Variants in CFAP20DC observed in about 807,000 individuals in gnomAD.
CFAP20DC encodes the protein protein CFAP20DC.
A neutral mutation model predicts 101.7 loss-of-function variants in CFAP20DC; 84 were observed. That is an observed-to-expected ratio of 0.83 (90% CI 0.69 to 0.99). The LOEUF (loss-of-function observed/expected upper bound fraction) is 0.99. Among genes scored for constraint, CFAP20DC ranks in the 50% least tolerant of loss-of-function variants. CFAP20DC has a pLI of 0.00. For synonymous variants in CFAP20DC, 359 were observed against 351.2 expected, an observed-to-expected ratio of 1.02 and a Z score of -0.25; for missense variants, 1,007 against 970.3, an observed-to-expected ratio of 1.04 and a Z score of -0.50.
intron 4 of CFAP20DC, among the ~76,000 whole-genome samples, chr3:58,979,929 G>A (rs921741384): frequency 6.6e-6 from 1 of 151,754 alleles, no homozygotes; most frequent in East Asian, 1.9e-4. Flanking sequence ...TTAAGTTCCA[G>A]TGTCAAATGA....
chr3:58,878,897 A>G (rs969322373), intron 7 of CFAP20DC, among the ~76,000 whole-genome samples: 5 of 151,938 alleles, frequency 3.3e-5, no homozygotes, highest in Non-Finnish European at 1.5e-5. Context: ...AGTCCCAGCT[A>G]CTCAGGAGGC....
chr3:58,866,454 C>T, intron 11 of CFAP20DC, 112 bp downstream of exon 11: 1 of 820,370 alleles, frequency 1.2e-6, no homozygotes, highest in Non-Finnish European at 1.9e-6. Flanking sequence ...CAAACTTACA[C>T]ATTTTAGCAA....
chr3:58,769,600 C>T (rs1218537036), intron 15 of CFAP20DC, among the ~76,000 whole-genome samples: 1 of 152,126 alleles, frequency 6.6e-6, no homozygotes, highest in Non-Finnish European at 1.5e-5. Flanking sequence ...GTCAGGAGAG[C>T]ATGCTCTGAG....
rs149857277 is a variant in CFAP20DC at position 58,732,535 on chromosome 3, C to T, written c.198-14907G>A. 8.7e-4 allele frequency among the ~76,000 whole-genome samples: 132 copies of T among 152,198 alleles called. No individual in the cohort carries two copies. Among genetic ancestry groups the T allele is most frequent in the African/African-American group, 2.9e-3 (120 of 41,510 alleles). ...AAAGCATTATAATAAATTTATAGTG[C>T]ACACTATTTTAGAGGCTGACATGTA... On this transcript the variant is annotated intron_variant, in intron 3 of 3. Coordinates refer to the CFAP20DC transcript ENST00000486145. This position sits in a 1 kb window ranked among gnomAD's most constrained non-coding sequence, Gnocchi z 5.4.
At chr3:58,771,867 G>T (rs552308049) in intron 15 of CFAP20DC, among the ~76,000 whole-genome samples, 3 of 152,054 alleles carry the variant, frequency 2.0e-5, no homozygotes, top group Non-Finnish European at 2.9e-5. Flanking sequence ...ATCTCTCATC[G>T]TTATAATGGT....
At chr3:58,726,222 T>C (rs1473344833) in intron 3 of CFAP20DC, 2 of 152,256 alleles carry the variant, frequency 1.3e-5, no homozygotes, top group Non-Finnish European at 1.5e-5. Context: ...GAAAGAACTA[T>C]ATAGGGTAAA....
rs57196071 is a variant in CFAP20DC, at chr3:59,044,987, GACAC to G, written c.205+1238_205+1241del. On this transcript the variant is annotated intron_variant, in intron 3 of 16. Transcript: ENST00000482387. The stretch of plus-strand genomic sequence containing the variant: ...GAAATGCAAAAAACCTCCTATTACA[GACAC>G]ACACACACACACACACACACACACA... 2.8e-3 allele frequency among the ~76,000 whole-genome samples: 393 copies of G among 139,874 alleles called. 1 individual carries two copies. The highest frequency in any genetic ancestry group is 8.5e-3 in the East Asian group (42 of 4,924). The allele number at this position is 139,874 out of a possible 152,430, so 91.8% of individuals were successfully genotyped here.
At chr3:58,744,301 ACT>A (rs1238660322) in intron 16 of CFAP20DC, among the ~76,000 whole-genome samples, 8 of 152,174 alleles carry the variant, frequency 5.3e-5, no homozygotes, top group Admixed American at 2.0e-4. Flanking sequence ...AGCTGGGGAC[ACT>A]CTCAGTTTCC....
intron 14 of CFAP20DC, among the ~76,000 whole-genome samples, chr3:58,830,152 C>A (rs1048331446): frequency 6.6e-6 from 1 of 152,122 alleles, no homozygotes; most frequent in African/African-American, 2.4e-5. Context: ...AATGAAAGCA[C>A]AACTGAGGCA....
chr3:58,761,018 A>C (rs886678627), intron 15 of CFAP20DC, among the ~76,000 whole-genome samples: 10 of 152,150 alleles, frequency 6.6e-5, no homozygotes, highest in East Asian at 1.9e-4. Context: ...TGTCTCTGCC[A>C]GGCTTTGGTA....
chr3:58,971,315 T>C lies in CFAP20DC; in HGVS notation c.279-33553A>G, dbSNP rs560935455. ...ATAAGATATTTCCAATTATTTATAG[T>C]CTTGAAAACTTTTTTTTAAAGTTTA... On this transcript the variant is annotated intron_variant, in intron 4 of 16. Transcript: ENST00000482387. The surrounding 1 kb of genome is among the most constrained non-coding windows in gnomAD (Gnocchi z 4.1). Among the ~76,000 whole-genome samples the C allele has an allele frequency of 4.6e-5, 7 of 152,312 alleles. No individual in the cohort carries two copies. The South Asian group carries it at 6.2e-4, about 14-fold the overall frequency.
At position 58,884,436 on chromosome 3, in the gene CFAP20DC, T is replaced by C. The variant is rs528524591; in HGVS notation, c.715+109A>G. The C allele has an allele frequency of 7.1e-6, 7 of 990,042 alleles. No homozygotes were observed. The South Asian group carries it at 1.1e-4, about 15-fold the overall frequency. 61.3% of individuals were successfully genotyped at this position (990,042 alleles called of 1,614,324 possible). A position where few individuals can be genotyped will look rare whatever the true frequency, so the allele number is the denominator to read the frequency against. ...TATGTGGCAAGTATACTCTGTTAAG[T>C]GCGAAGGATATAGAAGAATGAGGTA... is the stretch of plus-strand genomic sequence containing the variant. On this transcript the variant is annotated intron_variant, in intron 7 of 16. Transcript: ENST00000482387.
At chr3:58,908,694 C>A (rs564168214) in intron 6 of CFAP20DC, among the ~76,000 whole-genome samples, 3 of 152,176 alleles carry the variant, frequency 2.0e-5, no homozygotes, top group Non-Finnish European at 4.4e-5. Context: ...AAAAACCCCA[C>A]ACAAAAATGT....
At chr3:58,846,567 A>G (rs1209181105) in intron 13 of CFAP20DC, among the ~76,000 whole-genome samples, 1 of 149,710 alleles carries the variant, frequency 6.7e-6, no homozygotes, top group African/African-American at 2.4e-5. Context: ...AAGAATCAAT[A>G]TCGTGAAAAT....
At chr3:58,866,146 A>C (rs1274808148) in intron 11 of CFAP20DC, among the ~76,000 whole-genome samples, 2 of 152,306 alleles carry the variant, frequency 1.3e-5, no homozygotes, top group African/African-American at 2.4e-5. Flanking sequence ...ATTTTCATTT[A>C]TTTTCTTTTT....
chr3:59,043,262 G>C (rs1328644120), intron 3 of CFAP20DC, among the ~76,000 whole-genome samples: 2 of 152,070 alleles, frequency 1.3e-5, no homozygotes, highest in Non-Finnish European at 2.9e-5. Context: ...TTGGGGAAAA[G>C]AGGAAGAACC....
intron 4 of CFAP20DC, among the ~76,000 whole-genome samples, chr3:59,023,550 G>A (rs563429786): frequency 6.6e-6 from 1 of 152,130 alleles, no homozygotes; most frequent in Non-Finnish European, 1.5e-5. Context: ...GGTGGCTATG[G>A]CAAGGAGGAG....
intron 13 of CFAP20DC, among the ~76,000 whole-genome samples, chr3:58,834,333 G>C (rs1453464077): frequency 6.6e-6 from 1 of 152,182 alleles, no homozygotes; most frequent in Non-Finnish European, 1.5e-5. Context: ...GTGGGATTAA[G>C]CGTTCTAATG....
At chr3:58,911,292 G>C (rs1421004633) in intron 6 of CFAP20DC, among the ~76,000 whole-genome samples, 1 of 152,136 alleles carries the variant, frequency 6.6e-6, no homozygotes, top group Non-Finnish European at 1.5e-5. Flanking sequence ...GAAAATTACT[G>C]TTATGTGCCA....
Sources: allele counts gnomAD v4.1 joint callset (sites outside exome capture counted in the v4.1 genomes callset), GRCh38; gene constraint gnomAD v4.1.1; non-coding constraint Gnocchi (gnomAD v3.1); transcripts MANE v1.5; gene names NCBI Gene and HGNC (gene_info 2026-07-23, HGNC 2026-07-21).